Variants in ADCY8 observed in about 807,000 individuals in gnomAD.
The protein encoded by ADCY8 is adenylate cyclase 8.
Under a neutral mutation model 119.7 loss-of-function variants are expected in ADCY8, and 51 were observed. The observed-to-expected ratio is 0.43, with a 90% confidence interval of 0.34 to 0.54. The LOEUF is 0.54. ADCY8 is among the 20% of genes least tolerant of loss of function. The probability of loss-of-function intolerance (pLI) is 0.03; values close to 1 mark genes in which losing one functional copy is unlikely to be tolerated. For missense variants in ADCY8, 1,383 were observed against 1,598.8 expected (o/e 0.87, Z 2.30); for synonymous variants, 665 against 651.0 (o/e 1.02, Z -0.33).
chr8:131,038,579 G>GA (rs962271267), intron 1 of ADCY8, among the ~76,000 whole-genome samples: 8 of 151,388 alleles, frequency 5.3e-5, no homozygotes, highest in South Asian at 4.2e-4. Flanking sequence ...GGGAAGAATA[G>GA]AAAAAAAAGG....
intron 8 of ADCY8, among the ~76,000 whole-genome samples, chr8:130,871,135 G>A (rs902399274): frequency 6.6e-6 from 1 of 152,146 alleles, no homozygotes; most frequent in African/African-American, 2.4e-5. Flanking sequence ...ATTCCTAATT[G>A]GCTCAGAATG....
Position 131,040,297 on chromosome 8 carries a change from C to T in ADCY8, c.37G>A (p.Glu13Lys). The T allele has an allele frequency of 1.3e-6, 2 of 1,556,052 alleles. No homozygotes were observed. Among genetic ancestry groups the T allele is most frequent in the East Asian group, 2.3e-5 (1 of 42,674 alleles). ...LSDVRCLTGS[E>K]ELYTIHPTPP... ...GTCGGGTGGATGGTGTAGAGTTCCT[C>T]GCTGCCTGTAAGGCAGCGCACATCG... The change falls in exon 1 of 18, where the codon GAG (glutamate) becomes AAG (lysine). Residue 13 changes from glutamate to lysine, a missense_variant. This residue lies in a region of ADCY8 where 455 missense variants were observed against 435.3 expected (regional missense o/e 1.05). Coordinates refer to ENST00000286355, the MANE Select transcript of ADCY8 (RefSeq NM_001115.3).
chr8:130,987,599 A>G (rs1822441433), intron 2 of ADCY8, among the ~76,000 whole-genome samples: 2 of 152,214 alleles, frequency 1.3e-5, no homozygotes, highest in African/African-American at 4.8e-5. Flanking sequence ...GCAAAATATT[A>G]CTATCAATCT....
intron 8 of ADCY8, among the ~76,000 whole-genome samples, chr8:130,877,981 T>C (rs1166980013): frequency 6.6e-6 from 1 of 152,184 alleles, no homozygotes; most frequent in African/African-American, 2.4e-5. Flanking sequence ...TTGTGCAGGT[T>C]TGGGTTAGAA....
intron 8 of ADCY8, among the ~76,000 whole-genome samples, chr8:130,884,215 A>T (rs564932158): frequency 6.6e-6 from 1 of 152,330 alleles, no homozygotes; most frequent in African/African-American, 2.4e-5. Context: ...GTTGCAGCTG[A>T]TGTGAATTCA....
chr8:130,936,156 G>T (rs1390206649), intron 5 of ADCY8, among the ~76,000 whole-genome samples: 2 of 151,798 alleles, frequency 1.3e-5, no homozygotes, highest in Non-Finnish European at 2.9e-5. Flanking sequence ...CTGTGGCTTT[G>T]TGAGGACGTG....
intron 7 of ADCY8, among the ~76,000 whole-genome samples, chr8:130,885,260 C>T (rs989971879): frequency 2.0e-5 from 3 of 151,182 alleles, no homozygotes; most frequent in Non-Finnish European, 4.4e-5. Flanking sequence ...AGAAAGACAG[C>T]CAAATATGCC....
At chr8:130,934,485 C>T (rs1008254116) in intron 5 of ADCY8, among the ~76,000 whole-genome samples, 6 of 152,168 alleles carry the variant, frequency 3.9e-5, no homozygotes, top group Admixed American at 6.5e-5. Flanking sequence ...AATTACCTCC[C>T]ATTAGGCCCC....
chr8:130,915,785 T>G (rs545276772), intron 5 of ADCY8, among the ~76,000 whole-genome samples: 2 of 152,328 alleles, frequency 1.3e-5, no homozygotes, highest in South Asian at 4.1e-4. Flanking sequence ...CTGCTAAAAC[T>G]CTGCCTACAT....
intron 1 of ADCY8, among the ~76,000 whole-genome samples, chr8:131,019,033 A>G (rs1823567900): frequency 2.0e-5 from 3 of 152,170 alleles, no homozygotes; most frequent in Admixed American, 2.0e-4. Flanking sequence ...TTTTAGCTCA[A>G]AACACTACAG....
intron 5 of ADCY8, among the ~76,000 whole-genome samples, chr8:130,929,156 T>C (rs1388083667): frequency 1.3e-5 from 2 of 152,120 alleles, no homozygotes; most frequent in Non-Finnish European, 2.9e-5. Flanking sequence ...TCTATTTCTG[T>C]CCTGATTTTT....
At position 130,857,362 on chromosome 8, in the gene ADCY8, C is replaced by CT. The variant is rs200914585; in HGVS notation, c.2211-7560dup. On this transcript the variant is annotated intron_variant, in intron 9 of 17. Coordinates refer to ENST00000286355, the MANE Select transcript of ADCY8 (RefSeq NM_001115.3). ...CATTTCTTTATTAGTTTTATCCTTT[C>CT]TTTATAGACACTACAGTTTAGTCTC... Among the ~76,000 whole-genome samples the CT allele has an allele frequency of 1.4e-3, 218 of 152,088 alleles. 5 individuals carry two copies. In the East Asian group the frequency reaches 0.038, roughly 26 times the overall value.
chr8:130,947,053 T>C (rs1821126499), intron 3 of ADCY8, among the ~76,000 whole-genome samples: 1 of 152,198 alleles, frequency 6.6e-6, no homozygotes, highest in African/African-American at 2.4e-5. Context: ...TTGGCATAAT[T>C]TGTAGCTTTC....
chr8:130,918,091 G>T (rs1820184932), intron 5 of ADCY8, among the ~76,000 whole-genome samples: 1 of 152,154 alleles, frequency 6.6e-6, no homozygotes, highest in Admixed American at 6.5e-5. Context: ...TAATACTCAG[G>T]GATAAATATT....
At chr8:130,781,494 G>C (rs190111793) in intron 17 of ADCY8, among the ~76,000 whole-genome samples, 1 of 152,158 alleles carries the variant, frequency 6.6e-6, no homozygotes, top group Non-Finnish European at 1.5e-5. Context: ...ATCTTCCAGG[G>C]CTCCTTTCAC....
At chr8:130,862,116 A>G (rs1447251969) in intron 9 of ADCY8, among the ~76,000 whole-genome samples, 1 of 151,992 alleles carries the variant, frequency 6.6e-6, no homozygotes, top group African/African-American at 2.4e-5. Flanking sequence ...TATGTTTATG[A>G]GATATTGGTC....
At chr8:130,936,098 TG>T (rs1820778782) in intron 5 of ADCY8, among the ~76,000 whole-genome samples, 1 of 115,990 alleles carries the variant, frequency 8.6e-6, no homozygotes, top group Non-Finnish European at 2.2e-5. Flanking sequence ...TGTGTGTGTG[TG>T]TGTGTGTGTG....
Position 130,827,334 on chromosome 8 carries a change from CTCTTT to C in ADCY8, c.2676-5919_2676-5915del, listed in dbSNP as rs528265326. On this transcript the variant is annotated intron_variant, in intron 12 of 17. Coordinates refer to ENST00000286355, the MANE Select transcript of ADCY8 (RefSeq NM_001115.3). ...CAAGATGGTGGCTCCATCTTCTCTTCTCTTTGTCATCCAAGTGTACAGTAAGGAGC... is the reference window on the plus strand; with the variant it reads ...CAAGATGGTGGCTCCATCTTCTCTTCGTCATCCAAGTGTACAGTAAGGAGC... Among the ~76,000 whole-genome samples the C allele has an allele frequency of 6.6e-5, 10 of 152,316 alleles. No individual in the cohort carries two copies. The East Asian group carries it at 1.9e-3, about 29-fold the overall frequency.
intron 1 of ADCY8, among the ~76,000 whole-genome samples, chr8:131,023,531 A>T (rs1016795621): frequency 6.6e-6 from 1 of 152,190 alleles, no homozygotes; most frequent in Non-Finnish European, 1.5e-5. Context: ...TGCCACTTTC[A>T]TAAGTTTTAT....
Sources: allele counts gnomAD v4.1 joint callset (sites outside exome capture counted in the v4.1 genomes callset), GRCh38; gene constraint gnomAD v4.1.1; regional missense constraint gnomAD v4.1.1; transcripts MANE v1.5; gene names NCBI Gene and HGNC (gene_info 2026-07-23, HGNC 2026-07-21).